The following PACRG variants were observed in gnomAD, a reference collection of about 807,000 sequenced individuals.
The protein encoded by PACRG is parkin coregulated gene protein.
PACRG carries 29 observed loss-of-function variants against 29.7 expected under a neutral mutation model. That is an observed-to-expected ratio of 0.98 (90% confidence interval 0.73 to 1.33). The LOEUF is 1.33. Among genes scored for constraint, PACRG ranks in the 40% most tolerant of loss-of-function variants. PACRG has a pLI of 0.00. For missense variants in PACRG, 279 were observed against 316.2 expected (o/e 0.88, Z 0.89); for synonymous variants, 116 against 118.7 (o/e 0.98, Z 0.15).
chr6:162,859,682 C>T (rs1791692459), intron 2 of PACRG, among the ~76,000 whole-genome samples: 1 of 152,160 alleles, frequency 6.6e-6, no homozygotes, highest in Admixed American at 6.5e-5. Flanking sequence ...AGGTGTCTTG[C>T]CCTGAACAGA....
intron 3 of PACRG, among the ~76,000 whole-genome samples, chr6:163,067,213 G>C (rs1259771379): frequency 1.3e-5 from 2 of 152,180 alleles, no homozygotes; most frequent in Non-Finnish European, 2.9e-5. Flanking sequence ...CAGCAGATGC[G>C]AACGGACCTG....
At chr6:163,245,307 G>T in intron 4 of PACRG, 2 of 211,274 alleles carry the variant, frequency 9.5e-6, no homozygotes, top group South Asian at 7.2e-5. Flanking sequence ...TATAAACTAT[G>T]CCATTTTCAG....
At chr6:163,126,619 A>C (rs1339136566) in intron 4 of PACRG, among the ~76,000 whole-genome samples, 1 of 152,252 alleles carries the variant, frequency 6.6e-6, no homozygotes, top group Non-Finnish European at 1.5e-5. Flanking sequence ...CGTGCAAAGA[A>C]AGCAATGGCG....
At chr6:162,920,741 G>T (rs754670544) in intron 2 of PACRG, among the ~76,000 whole-genome samples, 1 of 152,034 alleles carries the variant, frequency 6.6e-6, no homozygotes, top group Admixed American at 6.6e-5. Flanking sequence ...AGTAAATAAG[G>T]CACTCTGTCA....
chr6:163,100,362 C>A (rs896826576), intron 4 of PACRG, among the ~76,000 whole-genome samples: 4 of 152,186 alleles, frequency 2.6e-5, no homozygotes, highest in Non-Finnish European at 5.9e-5. Context: ...GGACTCCAGC[C>A]CTGCTGCCTC....
chr6:163,036,908 CCATCCATT>C (rs1298987725), intron 2 of PACRG, among the ~76,000 whole-genome samples: 1 of 129,144 alleles, frequency 7.7e-6, no homozygotes, highest in African/African-American at 2.8e-5. Context: ...ATCCATCCAT[CCATCCATT>C]CACCCAGGTC....
intron 2 of PACRG, among the ~76,000 whole-genome samples, chr6:163,008,004 A>C (rs768966122): frequency 1.3e-5 from 2 of 152,162 alleles, no homozygotes; most frequent in African/African-American, 2.4e-5. Flanking sequence ...TATCTGACCC[A>C]CCTGGGCACT....
chr6:162,965,740 A>T (rs1016711071), intron 2 of PACRG, among the ~76,000 whole-genome samples: 3 of 152,250 alleles, frequency 2.0e-5, no homozygotes, highest in African/African-American at 7.2e-5. Context: ...GATGGAATTC[A>T]TGGAAACTCA....
chr6:163,050,073 A>G (rs1809836694), intron 2 of PACRG, among the ~76,000 whole-genome samples: 1 of 152,144 alleles, frequency 6.6e-6, no homozygotes. Flanking sequence ...TCTTTTAATA[A>G]GAGAATTTAA....
chr6:162,784,824 T>C (rs1784338818), intron 1 of PACRG, among the ~76,000 whole-genome samples: 1 of 152,222 alleles, frequency 6.6e-6, no homozygotes, highest in South Asian at 2.1e-4. Flanking sequence ...TGTTTGCTAC[T>C]CTTGGTGCTT....
chr6:162,981,649 T>C (rs1802444414), intron 2 of PACRG, among the ~76,000 whole-genome samples: 1 of 152,300 alleles, frequency 6.6e-6, no homozygotes, highest in African/African-American at 2.4e-5. Flanking sequence ...TTTCACAATA[T>C]TGATTCTATC....
chr6:163,080,851 T>A (rs1813010753), intron 3 of PACRG, among the ~76,000 whole-genome samples: 1 of 152,176 alleles, frequency 6.6e-6, no homozygotes, highest in South Asian at 2.1e-4. Flanking sequence ...ATATTATATA[T>A]GTGTTGAGAG....
intron 2 of PACRG, among the ~76,000 whole-genome samples, chr6:163,010,285 C>T (rs1226257021): frequency 6.6e-6 from 1 of 152,194 alleles, no homozygotes; most frequent in East Asian, 1.9e-4. Context: ...TAGCATTTTA[C>T]AAACCAAAAT....
chr6:162,826,850 A>C (rs1032982941), intron 2 of PACRG, among the ~76,000 whole-genome samples: 1 of 152,166 alleles, frequency 6.6e-6, no homozygotes, highest in African/African-American at 2.4e-5. Context: ...ATCTATTACT[A>C]TGAATCTCTT....
At chr6:162,829,514 G>T (rs1327170030) in intron 2 of PACRG, among the ~76,000 whole-genome samples, 1 of 152,216 alleles carries the variant, frequency 6.6e-6, no homozygotes, top group Non-Finnish European at 1.5e-5. Context: ...AATCACTGGT[G>T]ATATAGGCCT....
chr6:163,185,248 GC>G (rs1185743950), intron 4 of PACRG, among the ~76,000 whole-genome samples: 4 of 152,014 alleles, frequency 2.6e-5, no homozygotes, highest in African/African-American at 4.8e-5. Context: ...ACCGATAAAA[GC>G]AAGTGGGAAC....
At chr6:162,732,194 T>G (rs1779822590) in intron 1 of PACRG, among the ~76,000 whole-genome samples, 1 of 151,936 alleles carries the variant, frequency 6.6e-6, no homozygotes. Context: ...ATGAAGCAAC[T>G]CCCAAGCCCA....
intron 4 of PACRG, among the ~76,000 whole-genome samples, chr6:163,160,054 T>C (rs1226302278): frequency 6.6e-6 from 1 of 152,236 alleles, no homozygotes; most frequent in Non-Finnish European, 1.5e-5. Context: ...TTATTTTCGC[T>C]GTGTGTTGGG....
chr6:163,095,472 A>G, intron 4 of PACRG: 1 of 956,692 alleles, frequency 1.0e-6, no homozygotes, highest in Non-Finnish European at 1.2e-6. Context: ...AAATTACCAT[A>G]CACAGAATGG....
Sources: allele counts gnomAD v4.1 joint callset (sites outside exome capture counted in the v4.1 genomes callset), GRCh38; gene constraint gnomAD v4.1.1; transcripts MANE v1.5; gene names NCBI Gene and HGNC (gene_info 2026-07-23, HGNC 2026-07-21).